The following ENTPD7 variants were observed in gnomAD, a reference collection of about 807,000 sequenced individuals.
The protein encoded by ENTPD7 is NTPDase 7.
A neutral mutation model predicts 77.9 loss-of-function variants in ENTPD7; 53 were observed. The observed-to-expected ratio is 0.68, with a 90% CI of 0.55 to 0.85. ENTPD7 has a LOEUF of 0.85. Ranked by LOEUF, ENTPD7 falls within the 40% of genes least tolerant of loss-of-function variation. The pLI, the probability that ENTPD7 is intolerant of heterozygous loss-of-function variation, is 0.00. For missense variants in ENTPD7, 636 were observed against 743.7 expected, an observed-to-expected ratio of 0.86 and a Z score of 1.68; for synonymous variants, 248 against 274.9, an observed-to-expected ratio of 0.90 and a Z score of 0.97.
rs753230686 is a variant in ENTPD7 at position 99,704,600 on chromosome 10, C to T, written c.1732C>T (p.Arg578Ter). 43 of 1,614,054 alleles carry T rather than the reference C, an allele frequency of 2.7e-5. No individual in the cohort carries two copies. The South Asian group carries it at 3.1e-4, about 12-fold the overall frequency. The change falls in exon 13 of 13, where the codon CGA becomes TGA. Residue 578 changes from arginine (R) to a stop codon, truncating the protein, a stop_gained. Transcript: ENST00000370489. LOFTEE classifies it high-confidence loss of function. The part of the protein sequence containing the change: ...YLLRLRRIHH[R>*]QTRASAPLDL... ...TCTGCGGCTACGCCGAATTCACCAC[C>T]GACAAACACGAGCCTCAGCTCCATT...
rs1237380673 is a variant in ENTPD7, at chr10:99,659,622, G to C, written c.-96+34G>C. ...GGGCGCGAGAGGGCTGTGGGACCCG[G>C]AGGGACGGGGAGAGGAAGCGGGACC... On this transcript the variant is annotated intron_variant, in intron 1 of 12. Coordinates refer to ENST00000370489, the MANE Select transcript of ENTPD7 (RefSeq NM_020354.5). The surrounding 1 kb of genome is among the most constrained non-coding windows in gnomAD (Gnocchi z 4.1). The C allele has an allele frequency of 8.6e-6, 2 of 232,156 alleles. No homozygotes were observed. The highest frequency in any genetic ancestry group is 4.6e-5 in the African/African-American group (2 of 43,914). The allele number at this position is 232,156 out of a possible 1,614,324, so 14.4% of individuals were successfully genotyped here.
chr10:99,701,126 GAGC>G, intron 11 of ENTPD7, 68 bp downstream of exon 11: 3 of 1,264,390 alleles, frequency 2.4e-6, no homozygotes, highest in Non-Finnish European at 3.5e-6. Context: ...AATGGAGAGT[GAGC>G]AATAATGCAG....
At chr10:99,693,917 CAA>C (rs201005977) in intron 8 of ENTPD7, among the ~76,000 whole-genome samples, 6 of 116,032 alleles carry the variant, frequency 5.2e-5, no homozygotes, top group African/African-American at 3.2e-5. Flanking sequence ...GACCCCATCT[CAA>C]AAAAAAAAAA....
intron 5 of ENTPD7, 145 bp from the exon 6 acceptor site, chr10:99,685,647 G>A: frequency 1.7e-6 from 1 of 602,288 alleles, no homozygotes; most frequent in South Asian, 2.1e-5. Flanking sequence ...ATCAAAGGCG[G>A]TACCAAAAAG....
chr10:99,689,451 T>G (rs2035854050), intron 7 of ENTPD7, among the ~76,000 whole-genome samples: 1 of 152,216 alleles, frequency 6.6e-6, no homozygotes, highest in African/African-American at 2.4e-5. Context: ...CATGCTAGAT[T>G]TGATTGACTG....
chr10:99,679,254 G>T lies in ENTPD7; in HGVS notation c.192-7G>T. 6.2e-7 allele frequency: 1 copy of T among 1,612,902 alleles called. No homozygotes were observed. The highest frequency in any genetic ancestry group is 8.5e-7 in the Non-Finnish European group (1 of 1,179,662). ...TTAGCACTGATTTCTCTTTTTGCCT[G>T]ACTTAGGTATTTGGCTCGAGTAGGG... On this transcript the variant is annotated splice_polypyrimidine_tract_variant and splice_region_variant and intron_variant, in intron 3 of 12. Transcript: ENST00000370489.
intron 10 of ENTPD7, among the ~76,000 whole-genome samples, chr10:99,699,531 T>C (rs927542890): frequency 2.0e-5 from 3 of 152,220 alleles, no homozygotes; most frequent in African/African-American, 7.2e-5. Flanking sequence ...TCTCTATCTT[T>C]TTCATCAGAG....
At chr10:99,675,597 ATT>A (rs56282052) in intron 3 of ENTPD7, among the ~76,000 whole-genome samples, 6 of 105,618 alleles carry the variant, frequency 5.7e-5, no homozygotes, top group African/African-American at 7.8e-5. Context: ...ATTGCAACTA[ATT>A]TTTTTTTTTT....
intron 3 of ENTPD7, among the ~76,000 whole-genome samples, chr10:99,668,081 C>T (rs560541469): frequency 4.6e-5 from 7 of 151,618 alleles, no homozygotes; most frequent in African/African-American, 1.5e-4. Context: ...ATTACAGGTG[C>T]GCACCACCAT....
At position 99,710,057 on chromosome 10, in the gene ENTPD7, T is replaced by C; in HGVS notation, c.*5374T>C. 1 of 985,424 alleles carries C rather than the reference T, an allele frequency of 1.0e-6. No homozygotes were observed. The highest frequency in any genetic ancestry group is 6.1e-5 in the Admixed American group (1 of 16,278). The allele number at this position is 985,424 out of a possible 1,614,324, so 61.0% of individuals were successfully genotyped here. The stretch of plus-strand genomic sequence containing the variant: ...CTATGTATAGCCACACATGCATGAC[T>C]TCAGGCTAGCATAAAGACATGTCTG... On this transcript the variant is annotated 3_prime_UTR_variant, in exon 13 of 13. Coordinates refer to ENST00000370489, the MANE Select transcript of ENTPD7 (RefSeq NM_020354.5).
chr10:99,705,778 A>G lies in ENTPD7; in HGVS notation c.*1095A>G, dbSNP rs1452584260. ...AAATTTGGAATAGATCAATCTGTTA[A>G]TAAGCCATCTGGCAACTTTCAGAAC... On this transcript the variant is annotated 3_prime_UTR_variant, in exon 13 of 13. Transcript: ENST00000370489. 2 of 152,274 alleles carry G rather than the reference A, an allele frequency of 1.3e-5. No homozygotes were observed. Among genetic ancestry groups the G allele is most frequent in the African/African-American group, 4.8e-5 (2 of 41,482 alleles). 9.4% of individuals were successfully genotyped at this position (152,274 alleles called of 1,614,324 possible).
In ENTPD7 at chr10:99,671,154, A is replaced by C. The variant is rs11190235; in HGVS notation, c.192-8107A>C. 3.3e-3 allele frequency among the ~76,000 whole-genome samples: 496 copies of C among 152,210 alleles called. 3 individuals are homozygous for C. Among genetic ancestry groups the C allele is most frequent in the African/African-American group, 0.011 (474 of 41,556 alleles). ...TGAAGGCCTCGGACATTACTGTAGA[A>C]TTTATAAACACTGTACATTTAGGCT... is the stretch of plus-strand genomic sequence containing the variant. On this transcript the variant is annotated intron_variant, in intron 3 of 12. Coordinates refer to ENST00000370489, the MANE Select transcript of ENTPD7 (RefSeq NM_020354.5).
chr10:99,701,139 G>C, intron 11 of ENTPD7, 81 bp downstream of exon 11: 1 of 1,219,734 alleles, frequency 8.2e-7, no homozygotes, highest in Non-Finnish European at 1.2e-6. Flanking sequence ...CAATAATGCA[G>C]ATTAGATTTC....
chr10:99,665,281 C>T (rs1057350437), intron 3 of ENTPD7, among the ~76,000 whole-genome samples: 1 of 150,058 alleles, frequency 6.7e-6, no homozygotes, highest in Non-Finnish European at 1.5e-5. Flanking sequence ...AGAAGAAAAA[C>T]AGCAGACAGT....
Position 99,704,572 on chromosome 10 carries a change from C to A in ENTPD7, c.1704C>A (p.Tyr568Ter). The A allele has an allele frequency of 1.2e-6, 2 of 1,614,210 alleles. No individual in the cohort carries two copies. The highest frequency in any genetic ancestry group is 8.5e-7 in the Non-Finnish European group (1 of 1,180,038). The change falls in exon 13 of 13, where the codon TAC becomes TAA. Residue 568 changes from tyrosine to a stop codon, truncating the protein, a stop_gained. Coordinates refer to ENST00000370489, the MANE Select transcript of ENTPD7 (RefSeq NM_020354.5). LOFTEE classifies it high-confidence loss of function. ...ILVVLLAIFLYLLRLRRIHHR... is the reference protein window; with the variant it reads ...ILVVLLAIFL ...TGGTGCTACTGGCCATCTTCCTATA[C>A]CTTCTGCGGCTACGCCGAATTCACC...
At chr10:99,673,465 A>G (rs2035640264) in intron 3 of ENTPD7, among the ~76,000 whole-genome samples, 4 of 152,252 alleles carry the variant, frequency 2.6e-5, no homozygotes. Flanking sequence ...GTTCCAGGAA[A>G]AGGTAATATG....
chr10:99,674,751 CT>C (rs2035659860), intron 3 of ENTPD7, among the ~76,000 whole-genome samples: 1 of 152,076 alleles, frequency 6.6e-6, no homozygotes, highest in South Asian at 2.1e-4. Context: ...TGTTTTTTAC[CT>C]TTTTCACTGA....
At chr10:99,660,662 C>T (rs1246078371) in intron 2 of ENTPD7, among the ~76,000 whole-genome samples, 2 of 152,142 alleles carry the variant, frequency 1.3e-5, no homozygotes, top group Admixed American at 6.5e-5. Context: ...CAGTAGCTCA[C>T]GCCTGTAATC....
At position 99,698,867 on chromosome 10, in the gene ENTPD7, T is replaced by C; in HGVS notation, c.1335+9T>C. The C allele has an allele frequency of 6.3e-7, 1 of 1,581,210 alleles. No individual in the cohort carries two copies. Among genetic ancestry groups the C allele is most frequent in the Non-Finnish European group, 8.6e-7 (1 of 1,163,244 alleles). ...TTGCCAAGGCTGCTCAGGTAAATTA[T>C]TAATGATAAACATGGCTTATGCTGG... On this transcript the variant is annotated intron_variant, in intron 10 of 12. Coordinates refer to ENST00000370489, the MANE Select transcript of ENTPD7 (RefSeq NM_020354.5).
Sources: gnomAD v4.1 joint callset for allele counts (sites outside exome capture counted in the v4.1 genomes callset) on GRCh38, gnomAD v4.1.1 for gene constraint, Gnocchi (gnomAD v3.1) non-coding constraint, MANE v1.5 for transcripts, NCBI Gene and HGNC (gene_info 2026-07-23, HGNC 2026-07-21) for gene names.